The following ANO1 variants were observed in gnomAD, a reference collection of about 807,000 sequenced individuals.
ANO1 encodes the protein anoctamin 1.
ANO1 carries 59 observed loss-of-function variants against 124.0 expected under a neutral mutation model. The observed-to-expected ratio is 0.48, with a 90% CI of 0.39 to 0.59. The LOEUF is 0.59. ANO1 is among the 20% of genes least tolerant of loss of function. The pLI, the probability that ANO1 is intolerant of heterozygous loss-of-function variation, is 0.00. For synonymous variants in ANO1, 529 were observed against 532.0 expected, an observed-to-expected ratio of 0.99 and a Z score of 0.08; for missense variants, 1,059 against 1,328.0, an observed-to-expected ratio of 0.80 and a Z score of 3.15.
chr11:70,152,357 A>AT, intron 12 of ANO1, 93 bp from the exon 13 acceptor site: 24 of 922,318 alleles, frequency 2.6e-5, no homozygotes, highest in Middle Eastern at 5.6e-4. Context: ...AAAAAAAAAA[A>AT]GTTGTCCTTA....
intron 8 of ANO1, 197 bp downstream of exon 8, chr11:70,116,696 G>T: frequency 1.8e-6 from 1 of 563,248 alleles, no homozygotes; most frequent in Admixed American, 3.2e-5. Flanking sequence ...TGGCTGGTTT[G>T]TTTTCCTCTT....
intron 1 of ANO1, among the ~76,000 whole-genome samples, chr11:70,043,213 T>C (rs1001386369): frequency 4.6e-5 from 7 of 151,330 alleles, no homozygotes; most frequent in Non-Finnish European, 7.4e-5. Flanking sequence ...AGAATGGGAG[T>C]AACAACAGAT....
In ANO1 at chr11:70,032,058, C is replaced by G. The variant is rs115741812; in HGVS notation, c.58+45892C>G. 7.4e-3 allele frequency among the ~76,000 whole-genome samples: 1,127 copies of G among 152,284 alleles called. 13 individuals carry two copies. Among genetic ancestry groups the G allele is most frequent in the African/African-American group, 0.026 (1,078 of 41,540 alleles). The stretch of plus-strand genomic sequence containing the variant: ...GGGTGCCAGACACTCAGGGAGAGGA[C>G]AGACGTGGCCCCTGCCCATGAAGCT... On this transcript the variant is annotated intron_variant, in intron 1 of 27. Transcript: ENST00000531349.
At chr11:70,128,738 A>G (rs1291753900) in intron 10 of ANO1, among the ~76,000 whole-genome samples, 1 of 152,240 alleles carries the variant, frequency 6.6e-6, no homozygotes, top group Non-Finnish European at 1.5e-5. Flanking sequence ...TCTCTGAAGA[A>G]GAGAGCTTCC....
chr11:70,115,114 A>T (rs2045925892), intron 7 of ANO1, among the ~76,000 whole-genome samples: 1 of 152,038 alleles, frequency 6.6e-6, no homozygotes, highest in Admixed American at 6.5e-5. Flanking sequence ...GGATCCCCTG[A>T]AGACTTAGGA....
rs186431263 is a variant in ANO1, at chr11:70,030,818, G to A, written c.58+44652G>A. Among the ~76,000 whole-genome samples the A allele has an allele frequency of 1.6e-3, 246 of 152,332 alleles. 1 individual carries two copies. The highest frequency in any genetic ancestry group is 5.6e-3 in the African/African-American group (232 of 41,578). On this transcript the variant is annotated intron_variant, in intron 1 of 27. Transcript: ENST00000531349. ...CATCTCTGGAGGCCAATATCCAGTC[G>A]ATGGCCACCCCTCCACCAGCTGGAA...
chr11:70,033,456 T>G (rs547629060), intron 1 of ANO1, among the ~76,000 whole-genome samples: 1 of 152,294 alleles, frequency 6.6e-6, no homozygotes, highest in African/African-American at 2.4e-5. Context: ...CCACCTCAGT[T>G]CCCTCCAGGC....
At chr11:69,994,369 TGGGTG>T (rs1554998054) in intron 1 of ANO1, among the ~76,000 whole-genome samples, 2 of 81,592 alleles carry the variant, frequency 2.5e-5, no homozygotes, top group African/African-American at 7.9e-5. Flanking sequence ...GGTGGATGGA[TGGGTG>T]GATGAATGGA....
intron 1 of ANO1, among the ~76,000 whole-genome samples, chr11:70,058,902 C>T (rs746740231): frequency 2.6e-5 from 4 of 152,024 alleles, no homozygotes; most frequent in Non-Finnish European, 4.4e-5. Flanking sequence ...GACTATTGTC[C>T]GCCGAGTGCG....
chr11:70,021,701 C>T (rs782465808), intron 1 of ANO1, among the ~76,000 whole-genome samples: 6 of 152,046 alleles, frequency 3.9e-5, no homozygotes, highest in Non-Finnish European at 1.5e-5. Context: ...TGTTAAACAT[C>T]AGCCCAAGGC....
At chr11:70,182,035 G>A (rs763794265) in intron 23 of ANO1, among the ~76,000 whole-genome samples, 11 of 151,998 alleles carry the variant, frequency 7.2e-5, no homozygotes, top group African/African-American at 2.7e-4. Flanking sequence ...GCCAGAGCCG[G>A]TGCTATAATA....
At chr11:70,048,775 TGC>T (rs1173044370) in intron 1 of ANO1, among the ~76,000 whole-genome samples, 3 of 151,074 alleles carry the variant, frequency 2.0e-5, no homozygotes, top group Non-Finnish European at 4.4e-5. Context: ...TGCTGTTTTG[TGC>T]GTGCCGGAGA....
At chr11:70,007,969 G>A (rs1423709081) in intron 1 of ANO1, among the ~76,000 whole-genome samples, 2 of 152,100 alleles carry the variant, frequency 1.3e-5, no homozygotes, top group Non-Finnish European at 2.9e-5. Context: ...GGTGTGAGGT[G>A]GTATCTCCTT....
intron 1 of ANO1, chr11:70,015,140 T>G (rs1555001762): frequency 6.6e-6 from 1 of 152,166 alleles, no homozygotes; most frequent in African/African-American, 2.4e-5. Flanking sequence ...GTCCATCTCT[T>G]TGGTCTTTTT....
rs1856186799 is a variant in ANO1 at position 69,993,086 on chromosome 11, T to C, written c.58+6920T>C. Among the ~76,000 whole-genome samples the C allele has an allele frequency of 2.0e-5, 3 of 152,134 alleles. 1 individual carries two copies. In the South Asian group the frequency reaches 6.2e-4, roughly 32 times the overall value. On this transcript the variant is annotated intron_variant, in intron 1 of 27. Transcript: ENST00000531349. ...TTCGTCTGGGCTCTGGGTCCCCACA[T>C]GCAGCCAAACCCACACAACCCTGGG...
intron 11 of ANO1, among the ~76,000 whole-genome samples, chr11:70,141,123 C>T (rs1018287393): frequency 6.6e-5 from 10 of 152,194 alleles, no homozygotes; most frequent in Non-Finnish European, 1.3e-4. Context: ...TCTGTCCAAA[C>T]GTTCCCTCAT....
intron 22 of ANO1, among the ~76,000 whole-genome samples, chr11:70,178,698 G>A (rs2048823192): frequency 6.6e-6 from 1 of 152,108 alleles, no homozygotes; most frequent in Non-Finnish European, 1.5e-5. Flanking sequence ...TGAGTAGCTG[G>A]GATTACAGGC....
chr11:69,967,996 T>C, the ANO1 span, among the ~76,000 whole-genome samples: 1 of 152,172 alleles, frequency 6.6e-6, no homozygotes, highest in Admixed American at 6.5e-5. Flanking sequence ...CAGGGACTCC[T>C]GCTCAGTGGA....
intron 1 of ANO1, among the ~76,000 whole-genome samples, chr11:70,011,610 A>G (rs1555001132): frequency 2.0e-5 from 3 of 152,228 alleles, no homozygotes; most frequent in African/African-American, 7.2e-5. Flanking sequence ...GGATTCTAAG[A>G]TGAAGCATCT....
Sources: allele counts gnomAD v4.1 joint callset (sites outside exome capture counted in the v4.1 genomes callset), GRCh38; gene constraint gnomAD v4.1.1; transcripts MANE v1.5; gene names NCBI Gene and HGNC (gene_info 2026-07-23, HGNC 2026-07-21).